The following ADD3 variants were observed in gnomAD, a reference collection of about 807,000 sequenced individuals.
The protein encoded by ADD3 is gamma-adducin.
A neutral mutation model predicts 80.2 loss-of-function variants in ADD3; 25 were observed. That is an observed-to-expected ratio of 0.31 (90% CI 0.23 to 0.44). The LOEUF is 0.44. Ranked by LOEUF, ADD3 falls within the 20% of genes least tolerant of loss-of-function variation. The pLI, the probability that ADD3 is intolerant of heterozygous loss-of-function variation, is 1.00. For missense variants in ADD3, 829 were observed against 847.5 expected (o/e 0.98, Z 0.27); for synonymous variants, 284 against 289.6 (o/e 0.98, Z 0.20).
At chr10:110,069,554 T>G (rs1844412982) in intron 1 of ADD3, among the ~76,000 whole-genome samples, 1 of 152,182 alleles carries the variant, frequency 6.6e-6, no homozygotes, top group Non-Finnish European at 1.5e-5. Flanking sequence ...TGTTTTTTTT[T>G]TCCCCTTCCC....
At chr10:110,015,735 T>G (rs1177048241) in intron 1 of ADD3, among the ~76,000 whole-genome samples, 2 of 152,188 alleles carry the variant, frequency 1.3e-5, no homozygotes, top group African/African-American at 4.8e-5. Context: ...ATGCTGAAAG[T>G]AATACATTTT....
intron 1 of ADD3, among the ~76,000 whole-genome samples, chr10:110,034,402 TAAAC>T (rs1411989198): frequency 6.6e-6 from 1 of 151,808 alleles, no homozygotes; most frequent in Non-Finnish European, 1.5e-5. Context: ...CATTTTTTGA[TAAAC>T]AAGATAATTT....
At chr10:110,113,832 A>G (rs928304733) in intron 3 of ADD3, among the ~76,000 whole-genome samples, 1 of 152,180 alleles carries the variant, frequency 6.6e-6, no homozygotes, top group African/African-American at 2.4e-5. Context: ...GGCATGCTCC[A>G]TTTGCATTGC....
chr10:110,075,385 A>C (rs1485866840), intron 1 of ADD3, among the ~76,000 whole-genome samples: 1 of 152,100 alleles, frequency 6.6e-6, no homozygotes, highest in African/African-American at 2.4e-5. Context: ...AGTCCCAAGA[A>C]AACTAGATCT....
intron 10 of ADD3, among the ~76,000 whole-genome samples, chr10:110,125,540 G>A (rs994578629): frequency 1.3e-5 from 2 of 151,850 alleles, no homozygotes; most frequent in African/African-American, 4.8e-5. Context: ...CTCTGTGCTT[G>A]AAGTAGTTTC....
chr10:110,086,898 A>AGG (rs1846839406), intron 1 of ADD3, among the ~76,000 whole-genome samples: 3 of 152,338 alleles, frequency 2.0e-5, no homozygotes, highest in African/African-American at 7.2e-5. Flanking sequence ...CCATAATCCA[A>AGG]GGGTCCCAGA....
intron 1 of ADD3, among the ~76,000 whole-genome samples, chr10:110,012,751 A>G (rs558833339): frequency 3.2e-4 from 44 of 136,174 alleles, no homozygotes; most frequent in African/African-American, 1.4e-3. Flanking sequence ...GCATATGTTT[A>G]TATCTTTTTT....
intron 11 of ADD3, among the ~76,000 whole-genome samples, chr10:110,126,195 C>T (rs1238776376): frequency 1.3e-5 from 2 of 152,174 alleles, no homozygotes; most frequent in Non-Finnish European, 2.9e-5. Context: ...GGGGAAAATG[C>T]AGTTCTCTAA....
chr10:110,133,470 T>G lies in ADD3; in HGVS notation c.1973T>G (p.Ile658Ser). Residue 658 changes from isoleucine to serine, a missense_variant, in exon 15 of 15, where the codon ATC (isoleucine) becomes AGC (serine). By Grantham distance (142) the Ile-to-Ser change is moderately radical. Transcript: ENST00000356080. ...RLSTSTTIEN[I>S]EITIKSPEKI... ...AGCACAAGTACAACCATAGAAAACATCGAGATTACTATTAAGTCTCCAGAG... is the reference window on the plus strand; with the variant it reads ...AGCACAAGTACAACCATAGAAAACAGCGAGATTACTATTAAGTCTCCAGAG... 5.0e-6 allele frequency: 8 copies of G among 1,613,858 alleles called. No individual in the cohort carries two copies. The highest frequency in any genetic ancestry group is 6.8e-6 in the Non-Finnish European group (8 of 1,179,890).
chr10:110,113,228 C>T (rs1260620646), intron 3 of ADD3, among the ~76,000 whole-genome samples: 1 of 152,032 alleles, frequency 6.6e-6, no homozygotes, highest in Non-Finnish European at 1.5e-5. Flanking sequence ...GCCTAGCAAA[C>T]AAAGTGAAAA....
upstream of ADD3, among the ~76,000 whole-genome samples, chr10:110,005,280 T>C (rs1363193727): frequency 2.0e-5 from 3 of 151,310 alleles, no homozygotes; most frequent in Non-Finnish European, 4.4e-5. Flanking sequence ...CAGGCTGGTC[T>C]TGAACTCCTG....
chr10:110,046,666 T>C (rs1856945875), intron 1 of ADD3, among the ~76,000 whole-genome samples: 2 of 152,136 alleles, frequency 1.3e-5, no homozygotes, highest in South Asian at 2.1e-4. Flanking sequence ...TGCTGAACTT[T>C]TCTAGGTCTT....
rs755299784 is a variant in ADD3 at position 110,124,011 on chromosome 10, C to T, written c.1144-6C>T. 1.5e-5 allele frequency: 24 copies of T among 1,613,184 alleles called. No homozygotes were observed. The East Asian group carries it at 4.9e-4, about 33-fold the overall frequency. ...ATGCTTCAAATGTGGCTTTTCCCTC[C>T]CTTAGGGGTATAGAACAGGCTATGC... On this transcript the variant is annotated splice_region_variant and splice_polypyrimidine_tract_variant and intron_variant, in intron 9 of 14. Transcript: ENST00000356080.
rs78899078 is a variant in ADD3, at chr10:110,073,450, C to T, written c.-29-27175C>T. ...AGCCACCGTGCCCGGCCCTAGTTTT[C>T]TTATCTGTAAAGGAGGCATCATGAC... On this transcript the variant is annotated intron_variant, in intron 1 of 14. Transcript: ENST00000356080. Among the ~76,000 whole-genome samples, 699 of 152,176 alleles carry T rather than the reference C, an allele frequency of 4.6e-3. 5 individuals carry two copies. Among genetic ancestry groups the T allele is most frequent in the African/African-American group, 0.016 (665 of 41,534 alleles).
At chr10:110,088,491 A>G (rs1013760360) in intron 1 of ADD3, among the ~76,000 whole-genome samples, 1 of 152,214 alleles carries the variant, frequency 6.6e-6, no homozygotes, top group African/African-American at 2.4e-5. Flanking sequence ...TCATGGCACA[A>G]TATTAGGCGT....
At chr10:110,071,878 A>T (rs1453153617) in intron 1 of ADD3, among the ~76,000 whole-genome samples, 1 of 152,092 alleles carries the variant, frequency 6.6e-6, no homozygotes, top group East Asian at 1.9e-4. Flanking sequence ...ATTGTAGGTT[A>T]TGTTGTGTAC....
chr10:110,047,652 C>CT (rs1233554410), intron 1 of ADD3, among the ~76,000 whole-genome samples: 2 of 152,102 alleles, frequency 1.3e-5, no homozygotes, highest in African/African-American at 4.8e-5. Flanking sequence ...TGTCATGCTA[C>CT]TTATCGTATG....
intron 14 of ADD3, 41 bp downstream of exon 14, chr10:110,132,441 T>A: frequency 7.5e-7 from 1 of 1,342,068 alleles, no homozygotes; most frequent in South Asian, 1.2e-5. Flanking sequence ...ACTGAGTTAG[T>A]CTTGAGTCTG....
chr10:110,071,526 G>A (rs553617905), intron 1 of ADD3, among the ~76,000 whole-genome samples: 6 of 152,116 alleles, frequency 3.9e-5, no homozygotes, highest in East Asian at 1.9e-4. Flanking sequence ...TTTCTATTCC[G>A]TTTTAGAACT....
Sources: gnomAD v4.1 joint callset for allele counts (sites outside exome capture counted in the v4.1 genomes callset) on GRCh38, gnomAD v4.1.1 for gene constraint, MANE v1.5 for transcripts, NCBI Gene and HGNC (gene_info 2026-07-23, HGNC 2026-07-21) for gene names.